Variants in MEIS2 observed in about 807,000 individuals in gnomAD.
MEIS2 encodes Meis homeobox 2.
Under a neutral mutation model 58.6 loss-of-function variants are expected in MEIS2, and 9 were observed. That is an observed-to-expected ratio of 0.15 (90% CI 0.09 to 0.27). The LOEUF (loss-of-function observed/expected upper bound fraction) is 0.27, where lower values mean the gene tolerates loss of function less well. Among genes scored for constraint, MEIS2 ranks in the 10% least tolerant of loss-of-function variants. The pLI, the probability that MEIS2 is intolerant of heterozygous loss-of-function variation, is 1.00. For missense variants in MEIS2, 427 were observed against 635.0 expected (o/e 0.67, Z 3.52); for synonymous variants, 221 against 228.4 (o/e 0.97, Z 0.29).
chr15:37,020,455 G>T (rs563565137), intron 8 of MEIS2, among the ~76,000 whole-genome samples: 2 of 152,238 alleles, frequency 1.3e-5, no homozygotes, highest in South Asian at 4.1e-4. Flanking sequence ...ATCAAAATAA[G>T]AACTCAATTT....
intron 9 of MEIS2, among the ~76,000 whole-genome samples, chr15:36,916,451 A>G (rs981469128): frequency 0.011 from 1,644 of 148,806 alleles, 35 homozygotes; most frequent in African/African-American, 0.039. Context: ...AAAAAAAAAG[A>G]GACAGGGTCT....
At chr15:36,998,652 T>C (rs2060614831) in intron 8 of MEIS2, among the ~76,000 whole-genome samples, 1 of 152,202 alleles carries the variant, frequency 6.6e-6, no homozygotes, top group African/African-American at 2.4e-5. Flanking sequence ...TTTATCTTCT[T>C]TACAGTTTCA....
At chr15:37,044,106 T>A (rs1413626705) in intron 7 of MEIS2, among the ~76,000 whole-genome samples, 1 of 152,130 alleles carries the variant, frequency 6.6e-6, no homozygotes, top group Non-Finnish European at 1.5e-5. Flanking sequence ...AATAAAACCA[T>A]CTCCATTCTA....
chr15:36,896,369 T>C (rs1481966370), intron 10 of MEIS2, among the ~76,000 whole-genome samples: 1 of 152,168 alleles, frequency 6.6e-6, no homozygotes, highest in East Asian at 1.9e-4. Context: ...AACACGCTGC[T>C]TGTGGCATTA....
intron 9 of MEIS2, among the ~76,000 whole-genome samples, chr15:36,930,877 T>C (rs2141330325): frequency 6.6e-6 from 1 of 152,306 alleles, no homozygotes. Context: ...TTTGTGGGTT[T>C]GATATTGTTT....
At chr15:36,925,884 T>C (rs2057728498) in intron 9 of MEIS2, among the ~76,000 whole-genome samples, 1 of 152,184 alleles carries the variant, frequency 6.6e-6, no homozygotes, top group South Asian at 2.1e-4. Context: ...GTGAAATTGG[T>C]TTAATGACAA....
Position 37,036,835 on chromosome 15 carries a change from T to G in MEIS2, c.879A>C (p.Ala293=). 1 of 1,613,972 alleles carries G rather than the reference T, an allele frequency of 6.2e-7. No homozygotes were observed. Among genetic ancestry groups the G allele is most frequent in the Non-Finnish European group, 8.5e-7 (1 of 1,179,962 alleles). Residue 293 remains alanine, a synonymous_variant, in exon 8 of 12, where the codon GCA becomes GCC. Transcript: ENST00000561208. The part of the protein sequence containing the change: ...FPKVATNIMR[A]WLFQHLTHPY... ...TTACTGTGAGATGCTGGAAGAGCCA[T>G]GCTCTCATGATATTTGTTGCTACTT... is the stretch of plus-strand genomic sequence containing the variant.
At chr15:37,004,422 T>C (rs541479040) in intron 8 of MEIS2, among the ~76,000 whole-genome samples, 1 of 152,352 alleles carries the variant, frequency 6.6e-6, no homozygotes, top group Non-Finnish European at 1.5e-5. Flanking sequence ...AGGCCCTTCA[T>C]TGCTGTAGGC....
chr15:36,939,015 C>A (rs1267240184), intron 9 of MEIS2, among the ~76,000 whole-genome samples: 1 of 152,200 alleles, frequency 6.6e-6, no homozygotes, highest in Admixed American at 6.5e-5. Flanking sequence ...AAATGTCTTT[C>A]TCTCATCAGG....
At chr15:37,066,953 GT>G (rs142558507) in intron 7 of MEIS2, among the ~76,000 whole-genome samples, 1 of 151,140 alleles carries the variant, frequency 6.6e-6, no homozygotes, top group Admixed American at 6.6e-5. Flanking sequence ...TAACTTTTTT[GT>G]TTTTTTTGTA....
Position 36,892,058 on chromosome 15 carries a change from A to G in MEIS2, c.*115T>C. 1.7e-6 allele frequency: 2 copies of G among 1,182,350 alleles called. No individual in the cohort carries two copies. The highest frequency in any genetic ancestry group is 2.9e-5 in the South Asian group (2 of 69,286). 73.2% of individuals were successfully genotyped at this position (1,182,350 alleles called of 1,614,324 possible). A position where few individuals can be genotyped will look rare whatever the true frequency, so the allele number is the denominator to read the frequency against. On this transcript the variant is annotated 3_prime_UTR_variant, in exon 12 of 12. Transcript: ENST00000561208. ...TTGCTTGATGAAAAATGACAAAAGT[A>G]AAAAATAATCACAGCTGTCTGGAAT... is the stretch of plus-strand genomic sequence containing the variant.
intron 9 of MEIS2, among the ~76,000 whole-genome samples, chr15:36,919,759 T>C (rs1392572029): frequency 1.3e-5 from 2 of 152,198 alleles, no homozygotes; most frequent in African/African-American, 2.4e-5. Flanking sequence ...TGGTATTTTA[T>C]CTACAATGAC....
intron 8 of MEIS2, among the ~76,000 whole-genome samples, chr15:36,988,915 G>A (rs914820689): frequency 6.6e-6 from 1 of 152,022 alleles, no homozygotes; most frequent in Non-Finnish European, 1.5e-5. Flanking sequence ...AGACACGAAA[G>A]TAACATACAG....
intron 9 of MEIS2, among the ~76,000 whole-genome samples, chr15:36,933,212 C>T (rs1438989966): frequency 6.6e-6 from 1 of 152,150 alleles, no homozygotes; most frequent in Non-Finnish European, 1.5e-5. Flanking sequence ...TTTGAACTCA[C>T]TCTTGAACAA....
intron 8 of MEIS2, among the ~76,000 whole-genome samples, chr15:37,023,133 C>A (rs956379104): frequency 2.0e-5 from 3 of 152,134 alleles, no homozygotes; most frequent in Non-Finnish European, 2.9e-5. Context: ...TTTAATCTAT[C>A]ACAGTTTTTC....
chr15:36,891,223 A>G lies in MEIS2; in HGVS notation c.*950T>C, dbSNP rs2055836582. On this transcript the variant is annotated 3_prime_UTR_variant, in exon 12 of 12. Transcript: ENST00000561208. Reference sequence around the variant, plus strand: ...ACATACAATACCAATTCCACAGCAGATCTGATACTAGCAAAAACATTCTTT... The same window carrying G: ...ACATACAATACCAATTCCACAGCAGGTCTGATACTAGCAAAAACATTCTTT... 1 of 152,520 alleles carries G rather than the reference A, an allele frequency of 6.6e-6. No homozygotes were observed. The highest frequency in any genetic ancestry group is 2.4e-5 in the African/African-American group (1 of 41,382). 9.4% of individuals were successfully genotyped at this position (152,520 alleles called of 1,614,324 possible). A position where few individuals can be genotyped will look rare whatever the true frequency, so the allele number is the denominator to read the frequency against.
At chr15:37,020,347 A>G (rs941183216) in intron 8 of MEIS2, among the ~76,000 whole-genome samples, 3 of 152,274 alleles carry the variant, frequency 2.0e-5, no homozygotes, top group South Asian at 2.1e-4. Context: ...GAAAGAGAGG[A>G]AAAAAATCCT....
intron 8 of MEIS2, among the ~76,000 whole-genome samples, chr15:36,973,968 A>G (rs920800834): frequency 6.6e-6 from 1 of 152,194 alleles, no homozygotes; most frequent in Non-Finnish European, 1.5e-5. Flanking sequence ...ATTCAGCAAT[A>G]TTTCACATCA....
intron 9 of MEIS2, among the ~76,000 whole-genome samples, chr15:36,927,975 C>T (rs77385305): frequency 0.017 from 2,583 of 152,090 alleles, 66 homozygotes; most frequent in African/African-American, 0.056. Flanking sequence ...TATTTACAGC[C>T]GGCCAAGATT....
Sources: allele counts gnomAD v4.1 joint callset (sites outside exome capture counted in the v4.1 genomes callset), GRCh38; gene constraint gnomAD v4.1.1; transcripts MANE v1.5; gene names NCBI Gene and HGNC (gene_info 2026-07-23, HGNC 2026-07-21).